Variants in MYH15 observed in about 807,000 individuals in gnomAD.
MYH15 encodes myosin heavy chain 15.
In MYH15, 227 loss-of-function variants were observed where a neutral mutation model predicts 240.5. The ratio of observed to expected loss-of-function variants is 0.94; its 90% CI spans 0.85 to 1.05. The LOEUF (loss-of-function observed/expected upper bound fraction) is 1.05. Ranked by LOEUF, MYH15 falls within the 50% of genes least tolerant of loss-of-function variation. The pLI is 0.00. For missense variants in MYH15, 2,217 were observed against 2,247.5 expected, an observed-to-expected ratio of 0.99 and a Z score of 0.27; for synonymous variants, 785 against 796.7, an observed-to-expected ratio of 0.99 and a Z score of 0.25.
the MYH15 span, among the ~76,000 whole-genome samples, chr3:108,539,874 A>G: frequency 6.6e-6 from 1 of 152,154 alleles, no homozygotes; most frequent in Admixed American, 6.5e-5. Flanking sequence ...CTAAGTCTTT[A>G]AAGAACATAA....
chr3:108,435,806 GTATATGTATATATACA>G (rs1179086396), intron 25 of MYH15, among the ~76,000 whole-genome samples: 4 of 146,398 alleles, frequency 2.7e-5, no homozygotes, highest in East Asian at 2.1e-4. Context: ...AGGTTTTTGT[GTATATGTATATATACA>G]TATATGTATA....
chr3:108,510,405 C>T, intron 1 of MYH15, 38 bp downstream of exon 1: 1 of 1,577,794 alleles, frequency 6.3e-7, no homozygotes, highest in Middle Eastern at 1.7e-4. Context: ...CTTGAAGGAG[C>T]AAAATAAAGT....
At chr3:108,383,119 C>T (rs1448188119) in intron 40 of MYH15, among the ~76,000 whole-genome samples, 1 of 152,162 alleles carries the variant, frequency 6.6e-6, no homozygotes, top group East Asian at 1.9e-4. Context: ...CAGAGAACTA[C>T]AAAGCAAGAC....
intron 32 of MYH15, among the ~76,000 whole-genome samples, chr3:108,406,618 T>C (rs745460384): frequency 2.0e-5 from 3 of 152,208 alleles, no homozygotes; most frequent in Non-Finnish European, 4.4e-5. Flanking sequence ...GTGAGTTTTA[T>C]GGCTTTAAAA....
intron 25 of MYH15, among the ~76,000 whole-genome samples, chr3:108,433,886 T>C (rs1182558139): frequency 1.3e-5 from 2 of 152,156 alleles, no homozygotes; most frequent in Admixed American, 1.3e-4. Context: ...CAATCCCTGC[T>C]TTCCCACTAG....
Position 108,386,897 on chromosome 3 carries a change from A to G in MYH15, c.5535+2073T>C, listed in dbSNP as rs749431810. On this transcript the variant is annotated intron_variant, in intron 38 of 40. Coordinates refer to ENST00000693548, the MANE Select transcript of MYH15 (RefSeq NM_014981.3). ...GGCAGTTGATGGTAGAACCGAGTAG[A>G]TGGGTGGAGAGTGAGGGGCAGAGGA... is the stretch of plus-strand genomic sequence containing the variant. Among the ~76,000 whole-genome samples, 8 of 152,118 alleles carry G rather than the reference A, an allele frequency of 5.3e-5. 1 individual carries two copies. The highest frequency in any genetic ancestry group is 2.0e-4 in the Admixed American group (3 of 15,256).
At chr3:108,519,954 C>T (rs1020058512) in intron 1 of MYH15, among the ~76,000 whole-genome samples, 6 of 152,108 alleles carry the variant, frequency 3.9e-5, no homozygotes, top group African/African-American at 1.4e-4. Flanking sequence ...TAGTCAACAT[C>T]TTTGCATAAT....
the MYH15 span, among the ~76,000 whole-genome samples, chr3:108,548,298 T>C: frequency 1.2e-4 from 19 of 152,160 alleles, no homozygotes; most frequent in African/African-American, 4.3e-4. Context: ...AAAAGATATA[T>C]CAGGCCAACA....
chr3:108,417,412 T>C (rs776639514), intron 28 of MYH15, among the ~76,000 whole-genome samples: 4 of 152,234 alleles, frequency 2.6e-5, no homozygotes, highest in Non-Finnish European at 4.4e-5. Context: ...GTTTATTATA[T>C]GTGGCTTTGT....
intron 27 of MYH15, among the ~76,000 whole-genome samples, chr3:108,423,036 G>C (rs181535818): frequency 8.9e-4 from 135 of 152,294 alleles, no homozygotes; most frequent in African/African-American, 3.0e-3. Flanking sequence ...CAGACAATTT[G>C]AATGGTGAGT....
At chr3:108,517,275 G>A (rs1576279694) in intron 1 of MYH15, among the ~76,000 whole-genome samples, 2 of 152,232 alleles carry the variant, frequency 1.3e-5, no homozygotes, top group Middle Eastern at 6.8e-3. Context: ...CCCAATCTCT[G>A]ATCAAAATGC....
chr3:108,416,778 T>G (rs1283813417), intron 29 of MYH15, 34 bp downstream of exon 29: 2 of 1,509,830 alleles, frequency 1.3e-6, no homozygotes, highest in Non-Finnish European at 1.8e-6. Flanking sequence ...AAACACACAG[T>G]CAAGAAACTA....
chr3:108,542,764 T>G, the MYH15 span, among the ~76,000 whole-genome samples: 60 of 152,266 alleles, frequency 3.9e-4, no homozygotes, highest in Admixed American at 3.0e-3. Flanking sequence ...TGTGTTATAA[T>G]TCAGCTCCCA....
At chr3:108,529,347 G>T, upstream of MYH15, 6 of 1,229,906 alleles carry the variant, frequency 4.9e-6, no homozygotes, top group African/African-American at 1.5e-5. Flanking sequence ...TCCGATGAGA[G>T]AATGATAGCC....
At chr3:108,469,948 C>T in intron 14 of MYH15, 94 bp downstream of exon 14, 17 of 1,261,290 alleles carry the variant, frequency 1.3e-5, no homozygotes, top group East Asian at 2.6e-5. Context: ...ATTTCCCATC[C>T]TCTGATAGGG....
At chr3:108,429,356 C>A (rs1027868317) in intron 26 of MYH15, among the ~76,000 whole-genome samples, 1 of 152,110 alleles carries the variant, frequency 6.6e-6, no homozygotes, top group Non-Finnish European at 1.5e-5. Flanking sequence ...GAAATAGCAT[C>A]AATTTAATTT....
chr3:108,540,003 A>C, the MYH15 span, among the ~76,000 whole-genome samples: 3 of 152,222 alleles, frequency 2.0e-5, no homozygotes, highest in Non-Finnish European at 2.9e-5. Flanking sequence ...CACACACAAA[A>C]TAAAATGTAT....
At chr3:108,502,499 T>C (rs1240128412) in intron 2 of MYH15, among the ~76,000 whole-genome samples, 2 of 152,232 alleles carry the variant, frequency 1.3e-5, no homozygotes, top group Non-Finnish European at 2.9e-5. Flanking sequence ...GCAATGCATG[T>C]TCATTTTTGA....
chr3:108,431,153 A>C (rs1027487037), intron 25 of MYH15, among the ~76,000 whole-genome samples: 6 of 152,250 alleles, frequency 3.9e-5, no homozygotes, highest in African/African-American at 1.4e-4. Context: ...ACCAGGCTTT[A>C]ACCAAAAGTA....
Sources: gnomAD v4.1 joint callset for allele counts (sites outside exome capture counted in the v4.1 genomes callset) on GRCh38, gnomAD v4.1.1 for gene constraint, MANE v1.5 for transcripts, NCBI Gene and HGNC (gene_info 2026-07-23, HGNC 2026-07-21) for gene names.